The following JAZF1 variants were observed in gnomAD, a reference collection of about 807,000 sequenced individuals.
JAZF1 encodes the protein JAZF zinc finger 1, also known as juxtaposed with another zinc finger protein 1.
A neutral mutation model predicts 26.4 loss-of-function variants in JAZF1; 8 were observed. The observed-to-expected ratio is 0.30, with a 90% CI of 0.18 to 0.55. The LOEUF is 0.55. Among genes scored for constraint, JAZF1 ranks in the 20% least tolerant of loss-of-function variants. The pLI, the probability that JAZF1 is intolerant of heterozygous loss-of-function variation, is 0.94. For synonymous variants in JAZF1, 126 were observed against 122.3 expected, an observed-to-expected ratio of 1.03 and a Z score of -0.20; for missense variants, 199 against 322.0, an observed-to-expected ratio of 0.62 and a Z score of 2.92.
At chr7:27,958,866 A>C (rs1167942520) in intron 2 of JAZF1, among the ~76,000 whole-genome samples, 1 of 152,190 alleles carries the variant, frequency 6.6e-6, no homozygotes, top group African/African-American at 2.4e-5. Context: ...GAAGGAGACA[A>C]GCAGGGAAGG....
At chr7:27,934,482 C>G (rs1430221996) in intron 2 of JAZF1, among the ~76,000 whole-genome samples, 3 of 152,010 alleles carry the variant, frequency 2.0e-5, no homozygotes, top group African/African-American at 7.3e-5. Context: ...CACACACACA[C>G]ACACCCCATA....
chr7:27,957,794 T>C (rs558372735), intron 2 of JAZF1, among the ~76,000 whole-genome samples: 3 of 152,350 alleles, frequency 2.0e-5, no homozygotes, highest in African/African-American at 7.2e-5. Context: ...CATAAAAGAT[T>C]CTTAATAAGA....
intron 3 of JAZF1, among the ~76,000 whole-genome samples, chr7:27,876,631 C>T (rs1017611496): frequency 1.3e-5 from 2 of 152,218 alleles, no homozygotes; most frequent in African/African-American, 4.8e-5. Flanking sequence ...TTTTATCTCA[C>T]TAATTAATAA....
intron 2 of JAZF1, among the ~76,000 whole-genome samples, chr7:27,941,579 T>C (rs1000707734): frequency 3.9e-5 from 6 of 152,224 alleles, no homozygotes; most frequent in African/African-American, 9.6e-5. Context: ...TGGGTGTCAA[T>C]AGCAACAAAT....
chr7:27,865,533 G>A (rs936293278), intron 3 of JAZF1, among the ~76,000 whole-genome samples: 1 of 152,022 alleles, frequency 6.6e-6, no homozygotes, highest in Admixed American at 6.5e-5. Context: ...CTTTATAAAA[G>A]AACCAACATT....
At chr7:27,905,275 A>C (rs1784233485) in intron 2 of JAZF1, among the ~76,000 whole-genome samples, 1 of 152,034 alleles carries the variant, frequency 6.6e-6, no homozygotes, top group Admixed American at 6.6e-5. Context: ...TGTTTTTCTA[A>C]GTTTTCTAAG....
Position 27,832,309 on chromosome 7 carries a change from T to C in JAZF1, c.*491A>G. The C allele has an allele frequency of 4.6e-6, 1 of 215,160 alleles. No homozygotes were observed. The highest frequency in any genetic ancestry group is 5.8e-5 in the Admixed American group (1 of 17,126). The allele number at this position is 215,160 out of a possible 1,614,324, so 13.3% of individuals were successfully genotyped here. A position where few individuals can be genotyped will look rare whatever the true frequency, so the allele number is the denominator to read the frequency against. On this transcript the variant is annotated 3_prime_UTR_variant, in exon 5 of 5. Transcript: ENST00000283928. ...TTATATTTCCATTACCTAAAGTCTT[T>C]CTACTCACAAATACTAACTCCATTA...
chr7:28,119,691 C>G lies in JAZF1; in HGVS notation c.115+60772G>C, dbSNP rs1184727404. Among the ~76,000 whole-genome samples the G allele has an allele frequency of 2.0e-5, 3 of 152,300 alleles. 1 individual carries two copies. The highest frequency in any genetic ancestry group is 1.5e-5 in the Non-Finnish European group (1 of 68,020). ...CAAAAACCTTCCATGCTTCCCCCTACTACTTACATGACAGCCCCAAATTAT... is the reference window on the plus strand; with the variant it reads ...CAAAAACCTTCCATGCTTCCCCCTAGTACTTACATGACAGCCCCAAATTAT... On this transcript the variant is annotated intron_variant, in intron 1 of 4. Transcript: ENST00000283928.
At chr7:27,968,742 C>T (rs1785320770) in intron 2 of JAZF1, among the ~76,000 whole-genome samples, 1 of 152,128 alleles carries the variant, frequency 6.6e-6, no homozygotes, top group Non-Finnish European at 1.5e-5. Flanking sequence ...TAGAAACCAG[C>T]TTTTCATCAT....
intron 2 of JAZF1, among the ~76,000 whole-genome samples, chr7:27,985,772 A>T (rs1785687084): frequency 6.6e-6 from 1 of 152,250 alleles, no homozygotes; most frequent in South Asian, 2.1e-4. Context: ...AGTTGGCTTC[A>T]TCCCTGGGAT....
chr7:27,960,663 G>A (rs1785171459), intron 2 of JAZF1, among the ~76,000 whole-genome samples: 2 of 152,212 alleles, frequency 1.3e-5, no homozygotes, highest in Non-Finnish European at 2.9e-5. Context: ...CACATCAGCA[G>A]AATGAGAATT....
intron 1 of JAZF1, among the ~76,000 whole-genome samples, chr7:28,038,925 T>C (rs949734154): frequency 6.6e-6 from 1 of 152,220 alleles, no homozygotes; most frequent in African/African-American, 2.4e-5. Flanking sequence ...TCCTTTTATC[T>C]CTACCTCAAA....
intron 4 of JAZF1, among the ~76,000 whole-genome samples, chr7:27,834,457 G>T (rs556082794): frequency 5.3e-5 from 8 of 152,204 alleles, no homozygotes; most frequent in Non-Finnish European, 1.2e-4. Flanking sequence ...GTGATTTGAA[G>T]CAGAAGGACA....
rs991036472 is a variant in JAZF1, at chr7:27,832,475, T to C, written c.*325A>G. The C allele has an allele frequency of 4.2e-6, 1 of 240,284 alleles. No individual in the cohort carries two copies. Among genetic ancestry groups the C allele is most frequent in the Non-Finnish European group, 8.1e-6 (1 of 122,758 alleles). 14.9% of individuals were successfully genotyped at this position (240,284 alleles called of 1,614,324 possible). On this transcript the variant is annotated 3_prime_UTR_variant, in exon 5 of 5. Coordinates refer to ENST00000283928, the MANE Select transcript of JAZF1 (RefSeq NM_175061.4). ...CCAGCCCCTCCTCCCCCCAGGTTGATACCACCGCAATACAATTCAACAATA... is the reference window on the plus strand; with the variant it reads ...CCAGCCCCTCCTCCCCCCAGGTTGACACCACCGCAATACAATTCAACAATA...
intron 2 of JAZF1, among the ~76,000 whole-genome samples, chr7:27,896,966 G>A (rs759033382): frequency 2.0e-5 from 3 of 152,184 alleles, no homozygotes; most frequent in Non-Finnish European, 4.4e-5. Flanking sequence ...AGCCAGGTAG[G>A]TACTCATTTA....
At chr7:27,846,214 G>C (rs1452131281) in intron 3 of JAZF1, among the ~76,000 whole-genome samples, 2 of 151,854 alleles carry the variant, frequency 1.3e-5, no homozygotes, top group Non-Finnish European at 1.5e-5. Flanking sequence ...CTATTTTTCT[G>C]TGTCTGGCTT....
intron 3 of JAZF1, among the ~76,000 whole-genome samples, chr7:27,867,782 C>G (rs548555732): frequency 6.6e-6 from 1 of 152,238 alleles, no homozygotes; most frequent in Non-Finnish European, 1.5e-5. Flanking sequence ...GAGAGGTAGA[C>G]AGCGTGGCTG....
rs559401094 is a variant in JAZF1, at chr7:28,019,909, C to T, written c.116-27928G>A. Among the ~76,000 whole-genome samples, 68 of 152,142 alleles carry T rather than the reference C, an allele frequency of 4.5e-4. 2 individuals carry two copies. The Middle Eastern group carries it at 0.01, about 23-fold the overall frequency. The stretch of plus-strand genomic sequence containing the variant: ...CACTAGTTTACCAGCTAGTAGTTAA[C>T]TAGTTGTAGGAAAGGTATTATAATT... On this transcript the variant is annotated intron_variant, in intron 1 of 4. Transcript: ENST00000283928.
intron 1 of JAZF1, among the ~76,000 whole-genome samples, chr7:28,173,435 G>A (rs758062330): frequency 3.9e-5 from 6 of 152,010 alleles, no homozygotes; most frequent in East Asian, 1.9e-4. Context: ...ATGGATATAC[G>A]TACACACATA....
Sources: gnomAD v4.1 joint callset for allele counts (sites outside exome capture counted in the v4.1 genomes callset) on GRCh38, gnomAD v4.1.1 for gene constraint, MANE v1.5 for transcripts, NCBI Gene and HGNC (gene_info 2026-07-23, HGNC 2026-07-21) for gene names.